NEGR1: variants seen among roughly 807,000 people sequenced by gnomAD.
NEGR1 encodes the protein IgLON family member 4.
NEGR1 carries 10 observed loss-of-function variants against 40.9 expected under a neutral mutation model. That is an observed-to-expected ratio of 0.24 (90% CI 0.15 to 0.42). The LOEUF (loss-of-function observed/expected upper bound fraction) is 0.42, where lower values mean the gene tolerates loss of function less well. NEGR1 is among the 10% of genes least tolerant of loss of function. NEGR1 has a pLI of 1.00. For synonymous variants in NEGR1, 185 were observed against 166.8 expected (o/e 1.11, Z -0.84); for missense variants, 352 against 438.9 (o/e 0.80, Z 1.77).
chr1:71,736,221 G>A (rs1655036972), intron 3 of NEGR1, among the ~76,000 whole-genome samples: 2 of 152,004 alleles, frequency 1.3e-5, no homozygotes, highest in South Asian at 2.1e-4. Context: ...TATTAGTTCA[G>A]TCAAACTATT....
At chr1:71,594,737 C>G (rs1408112081) in intron 5 of NEGR1, among the ~76,000 whole-genome samples, 4 of 152,210 alleles carry the variant, frequency 2.6e-5, no homozygotes, top group African/African-American at 4.8e-5. Flanking sequence ...TTTTCTGCAT[C>G]ACATTAACAA....
At chr1:71,828,492 T>G (rs1446077924) in intron 2 of NEGR1, among the ~76,000 whole-genome samples, 1 of 151,962 alleles carries the variant, frequency 6.6e-6, no homozygotes, top group East Asian at 1.9e-4. Flanking sequence ...TTTTCTCCCA[T>G]GACAAAATAT....
chr1:72,086,957 TA>T (rs1030537288), intron 1 of NEGR1, among the ~76,000 whole-genome samples: 8 of 152,086 alleles, frequency 5.3e-5, no homozygotes, highest in African/African-American at 1.2e-4. Flanking sequence ...ATAGAGTGAT[TA>T]AAAAAACACA....
chr1:71,416,690 C>T (rs1043144653), intron 6 of NEGR1, among the ~76,000 whole-genome samples: 2 of 152,194 alleles, frequency 1.3e-5, no homozygotes, highest in African/African-American at 4.8e-5. Context: ...TGTAAACTTT[C>T]TGCAAGCTAC....
At chr1:72,233,009 G>C (rs1654424482) in intron 1 of NEGR1, among the ~76,000 whole-genome samples, 2 of 152,022 alleles carry the variant, frequency 1.3e-5, no homozygotes, top group South Asian at 4.1e-4. Context: ...ACAGTTATTG[G>C]GTAAAGATAC....
intron 1 of NEGR1, among the ~76,000 whole-genome samples, chr1:72,216,434 C>CAT (rs1171740724): frequency 5.5e-4 from 78 of 142,250 alleles, no homozygotes; most frequent in African/African-American, 1.6e-3. Context: ...TATATACACA[C>CAT]ATATATATAT....
At chr1:71,823,467 AT>A (rs1658507052) in intron 2 of NEGR1, among the ~76,000 whole-genome samples, 1 of 151,948 alleles carries the variant, frequency 6.6e-6, no homozygotes, top group African/African-American at 2.4e-5. Flanking sequence ...TTTAGAGAAT[AT>A]TTGCTTTTCT....
chr1:71,492,575 G>A (rs1228597906), intron 6 of NEGR1, among the ~76,000 whole-genome samples: 3 of 151,982 alleles, frequency 2.0e-5, no homozygotes, highest in African/African-American at 7.2e-5. Context: ...ACAGTAAGCA[G>A]CTTCTTGTTA....
chr1:71,459,581 T>TA (rs1353056352), intron 6 of NEGR1, among the ~76,000 whole-genome samples: 1 of 152,192 alleles, frequency 6.6e-6, no homozygotes, highest in African/African-American at 2.4e-5. Context: ...AGCTTTTTTT[T>TA]ACCTTTATCT....
intron 1 of NEGR1, among the ~76,000 whole-genome samples, chr1:72,225,275 T>G (rs1654155433): frequency 6.6e-6 from 1 of 151,962 alleles, no homozygotes; most frequent in Non-Finnish European, 1.5e-5. Context: ...TATCTGTAAA[T>G]TATTACCCAC....
chr1:71,777,286 T>C (rs767212817), intron 2 of NEGR1, among the ~76,000 whole-genome samples: 11 of 152,138 alleles, frequency 7.2e-5, no homozygotes, highest in Non-Finnish European at 1.5e-4. Flanking sequence ...GTACATGTCC[T>C]ATCTGGCTGC....
In NEGR1 at chr1:71,629,032, C is replaced by G. The variant is rs184113605; in HGVS notation, c.668-17886G>C. On this transcript the variant is annotated intron_variant, in intron 4 of 6. Transcript: ENST00000357731. ...TTGAACTAATTTACACTCCCACCAA[C>G]AGTGTGAAAGTGTTCATATTTCTCT... Among the ~76,000 whole-genome samples, 143 of 152,286 alleles carry G rather than the reference C, an allele frequency of 9.4e-4. 3 individuals are homozygous for G. Among genetic ancestry groups the G allele is most frequent in the Admixed American group, 9.2e-3 (141 of 15,288 alleles).
chr1:72,226,681 T>C (rs1346264412), intron 1 of NEGR1, among the ~76,000 whole-genome samples: 1 of 152,010 alleles, frequency 6.6e-6, no homozygotes, highest in Non-Finnish European at 1.5e-5. Context: ...CCCAGTATGT[T>C]CCTCAAATAT....
intron 4 of NEGR1, among the ~76,000 whole-genome samples, chr1:71,685,905 C>T (rs553175193): frequency 1.1e-4 from 17 of 152,036 alleles, no homozygotes; most frequent in South Asian, 4.1e-4. Context: ...GGCATCGCGA[C>T]GGAGCTTAGC....
intron 1 of NEGR1, among the ~76,000 whole-genome samples, chr1:72,187,743 T>C (rs1652664024): frequency 6.6e-6 from 1 of 151,038 alleles, no homozygotes; most frequent in South Asian, 2.1e-4. Context: ...CCAAGAAGAG[T>C]CCTATATTGA....
chr1:71,511,606 C>T (rs1038546381), intron 6 of NEGR1, among the ~76,000 whole-genome samples: 1 of 152,186 alleles, frequency 6.6e-6, no homozygotes, highest in Admixed American at 6.5e-5. Flanking sequence ...ATTATTTTTA[C>T]TTATTGATTC....
intron 2 of NEGR1, among the ~76,000 whole-genome samples, chr1:71,838,794 A>T (rs1263439030): frequency 6.6e-6 from 1 of 152,188 alleles, no homozygotes; most frequent in African/African-American, 2.4e-5. Context: ...ATGGCCTGAA[A>T]TTAATCAAAT....
intron 1 of NEGR1, among the ~76,000 whole-genome samples, chr1:72,057,403 C>T (rs1466732000): frequency 6.6e-6 from 1 of 151,492 alleles, no homozygotes; most frequent in Admixed American, 6.6e-5. Context: ...CATTTAAATG[C>T]TCCTATCGTC....
chr1:72,191,205 C>T (rs1312677152), intron 1 of NEGR1, among the ~76,000 whole-genome samples: 2 of 151,720 alleles, frequency 1.3e-5, no homozygotes, highest in Non-Finnish European at 2.9e-5. Flanking sequence ...GATCACATTG[C>T]TCTTCCAACT....
Sources: allele counts gnomAD v4.1 joint callset (sites outside exome capture counted in the v4.1 genomes callset), GRCh38; gene constraint gnomAD v4.1.1; transcripts MANE v1.5; gene names NCBI Gene and HGNC (gene_info 2026-07-23, HGNC 2026-07-21).